The following TOGARAM2 variants were observed in gnomAD, a reference collection of about 807,000 sequenced individuals.
TOGARAM2 encodes the protein TOG array regulator of axonemal microtubules protein 2.
TOGARAM2 carries 85 observed loss-of-function variants against 93.3 expected under a neutral mutation model. The observed-to-expected ratio is 0.91, with a 90% confidence interval of 0.76 to 1.09. The LOEUF (loss-of-function observed/expected upper bound fraction) is 1.09, where lower values mean the gene tolerates loss of function less well. TOGARAM2 is among the 50% of genes least tolerant of loss of function. The pLI is 0.00. For missense variants in TOGARAM2, 1,277 were observed against 1,334.5 expected (o/e 0.96, Z 0.67); for synonymous variants, 593 against 552.8 (o/e 1.07, Z -1.02).
intron 8 of TOGARAM2, 77 bp from the exon 9 acceptor site, chr2:29,017,077 A>G: frequency 1.9e-6 from 3 of 1,550,790 alleles, no homozygotes; most frequent in Non-Finnish European, 2.6e-6. Context: ...GGCACACAGT[A>G]GAAACATTTT....
chr2:28,982,600 G>T (rs1021693519), intron 1 of TOGARAM2, among the ~76,000 whole-genome samples: 1 of 152,138 alleles, frequency 6.6e-6, no homozygotes, highest in Non-Finnish European at 1.5e-5. Context: ...TTGAAGAAAG[G>T]GGGAGGTAGT....
rs750537997 is a variant in TOGARAM2, at chr2:29,024,287, A to G, written c.1766A>G (p.Gln589Arg). 13 of 1,613,338 alleles carry G rather than the reference A, an allele frequency of 8.1e-6. No individual in the cohort carries two copies. Among genetic ancestry groups the G allele is most frequent in the South Asian group, 6.6e-5 (6 of 90,874 alleles). Residue 589 changes from glutamine (Q) to arginine (R), a missense_variant, in exon 13 of 20, where the codon CAG becomes CGG. Coordinates refer to ENST00000379558, the MANE Select transcript of TOGARAM2 (RefSeq NM_199280.4). ...ATGGCGGACACCAACGAGTTCATCC[A>G]GAGAGCAGCCGGCCAGTCTCTGAGG... is the stretch of plus-strand genomic sequence containing the variant. ...QKMADTNEFI[Q>R]RAAGQSLRAM...
intron 12 of TOGARAM2, among the ~76,000 whole-genome samples, chr2:29,023,915 A>G (rs1373464293): frequency 6.6e-6 from 1 of 152,174 alleles, no homozygotes; most frequent in Non-Finnish European, 1.5e-5. Context: ...GAGTGTACAC[A>G]TTTCCTATGG....
intron 1 of TOGARAM2, among the ~76,000 whole-genome samples, chr2:28,990,972 A>AGT (rs71403639): frequency 0.38 from 50,127 of 131,666 alleles, 9,595 homozygotes; most frequent in East Asian, 0.64. Flanking sequence ...TGGACATGCG[A>AGT]GTGTGTGTGT....
intron 18 of TOGARAM2, among the ~76,000 whole-genome samples, chr2:29,042,042 A>C (rs72859169): frequency 0.021 from 3,124 of 152,342 alleles, 101 homozygotes; most frequent in African/African-American, 0.065. Context: ...CATAGAGCAG[A>C]TAAGTGGCTT....
intron 6 of TOGARAM2, among the ~76,000 whole-genome samples, chr2:29,008,344 T>C (rs1163411016): frequency 6.6e-6 from 1 of 152,102 alleles, no homozygotes; most frequent in Non-Finnish European, 1.5e-5. Context: ...AGAGCTGCAG[T>C]TTCATCACAT....
In TOGARAM2 at chr2:29,017,650, A is replaced by G. The variant is rs1664667000; in HGVS notation, c.1196-142A>G. On this transcript the variant is annotated intron_variant, in intron 9 of 19. Coordinates refer to ENST00000379558, the MANE Select transcript of TOGARAM2 (RefSeq NM_199280.4). ...GGTCTTGAACTCCTGGCCTCAAGCC[A>G]TCCTCCTACCTCGGACTCCCAACAT... is the stretch of plus-strand genomic sequence containing the variant. The G allele has an allele frequency of 2.8e-5, 22 of 785,740 alleles. No individual in the cohort carries two copies. The East Asian group carries it at 3.3e-4, about 12-fold the overall frequency. The allele number at this position is 785,740 out of a possible 1,614,324, so 48.7% of individuals were successfully genotyped here.
rs151004768 is a variant in TOGARAM2 at position 29,000,667 on chromosome 2, A to G, written c.427+1199A>G. Among the ~76,000 whole-genome samples the G allele has an allele frequency of 4.3e-4, 66 of 152,268 alleles. 2 individuals are homozygous for G. In the East Asian group the frequency reaches 0.011, roughly 25 times the overall value. On this transcript the variant is annotated intron_variant, in intron 4 of 19. Transcript: ENST00000379558. ...AAGAGGCACGTGGTTGCTGCCGTCAAGCCTGGGGTTGTGGTTGGCTGTTCT... is the reference window on the plus strand; with the variant it reads ...AAGAGGCACGTGGTTGCTGCCGTCAGGCCTGGGGTTGTGGTTGGCTGTTCT...
intron 2 of TOGARAM2, among the ~76,000 whole-genome samples, chr2:28,995,261 TG>T (rs1672937351): frequency 6.6e-6 from 1 of 152,212 alleles, no homozygotes; most frequent in Non-Finnish European, 1.5e-5. Context: ...GGGAGCAGTG[TG>T]TGGCCAGTTA....
chr2:29,003,567 C>T lies in TOGARAM2; in HGVS notation c.715C>T (p.Pro239Ser), dbSNP rs576734705. 15 of 1,595,980 alleles carry T rather than the reference C, an allele frequency of 9.4e-6. No individual in the cohort carries two copies. The East Asian group carries it at 1.6e-4, about 17-fold the overall frequency. Residue 239 changes from proline to serine, a missense_variant, in exon 6 of 20, where the codon CCC (proline) becomes TCC (serine). Transcript: ENST00000379558. ...QKSLGAIVIPPIPKARTVAAT... is the reference protein window; with the variant it reads ...QKSLGAIVIPSIPKARTVAAT... ...GTCCCTGGGCGCCATCGTGATCCCA[C>T]CCATCCCAAAGGCCAGGACGGTTGC... is the stretch of plus-strand genomic sequence containing the variant.
At chr2:29,010,060 G>T (rs1424230340) in intron 6 of TOGARAM2, among the ~76,000 whole-genome samples, 4 of 151,820 alleles carry the variant, frequency 2.6e-5, no homozygotes, top group African/African-American at 9.7e-5. Flanking sequence ...TGTGTGTTGG[G>T]GGGGCGCAGA....
At chr2:28,978,866 G>C (rs1373468149), upstream of TOGARAM2, among the ~76,000 whole-genome samples, 1 of 152,168 alleles carries the variant, frequency 6.6e-6, no homozygotes, top group Admixed American at 6.5e-5. Flanking sequence ...CTTCATAGCT[G>C]TTGACCCTCT....
At chr2:29,018,064 C>T in intron 10 of TOGARAM2, 108 bp downstream of exon 10, 1 of 1,278,404 alleles carries the variant, frequency 7.8e-7, no homozygotes, top group Non-Finnish European at 1.0e-6. Context: ...CGCCCCTTGT[C>T]CATGTTAGAC....
At chr2:29,033,293 C>G (rs1665888239) in intron 15 of TOGARAM2, 176 bp from the exon 16 acceptor site, 1 of 700,370 alleles carries the variant, frequency 1.4e-6, no homozygotes, top group Non-Finnish European at 2.4e-6. Context: ...ATCTGTTAAC[C>G]AGGGATCTTG....
chr2:28,982,313 C>A (rs1005456854), intron 1 of TOGARAM2, among the ~76,000 whole-genome samples: 5 of 152,114 alleles, frequency 3.3e-5, no homozygotes, highest in African/African-American at 4.8e-5. Context: ...CTGGTGCTGG[C>A]GGGGGACCTC....
chr2:28,989,097 T>G (rs1672594483), intron 1 of TOGARAM2, among the ~76,000 whole-genome samples: 1 of 152,244 alleles, frequency 6.6e-6, no homozygotes, highest in South Asian at 2.1e-4. Context: ...TCGCCCAGGC[T>G]GGAGTGCAGT....
chr2:28,978,030 C>G (rs949212462), upstream of TOGARAM2, among the ~76,000 whole-genome samples: 2 of 152,166 alleles, frequency 1.3e-5, no homozygotes, highest in African/African-American at 4.8e-5. Flanking sequence ...TCTCAGCCTC[C>G]TGAGTAGCTG....
Position 29,014,391 on chromosome 2 carries a change from T to G in TOGARAM2, c.878-4T>G. On this transcript the variant is annotated splice_polypyrimidine_tract_variant and splice_region_variant and intron_variant, in intron 7 of 19. Transcript: ENST00000379558. ...CAGCTCCACCCCTGTTCTCAACCCC[T>G]CAGAGCCAAAACCTTTGGCCTCACC... 1.2e-6 allele frequency: 2 copies of G among 1,610,118 alleles called. No homozygotes were observed. Among genetic ancestry groups the G allele is most frequent in the Non-Finnish European group, 1.7e-6 (2 of 1,178,666 alleles).
intron 1 of TOGARAM2, among the ~76,000 whole-genome samples, chr2:28,959,959 T>G (rs1671779453): frequency 6.6e-6 from 1 of 152,200 alleles, no homozygotes; most frequent in Admixed American, 6.5e-5. Context: ...GTAGCCTACA[T>G]TGTTTCTAGG....
Sources: allele counts gnomAD v4.1 joint callset (sites outside exome capture counted in the v4.1 genomes callset), GRCh38; gene constraint gnomAD v4.1.1; transcripts MANE v1.5; gene names NCBI Gene and HGNC (gene_info 2026-07-23, HGNC 2026-07-21).